Variants in SMIM14 observed in about 807,000 individuals in gnomAD.
The protein encoded by SMIM14 is chromosome 4 open reading frame 34.
In SMIM14, 5 loss-of-function variants were observed where a neutral mutation model predicts 12.6. The observed-to-expected ratio is 0.40, with a 90% CI of 0.21 to 0.83. The LOEUF (loss-of-function observed/expected upper bound fraction) is 0.83, where lower values mean the gene tolerates loss of function less well. Ranked by LOEUF, SMIM14 falls within the 40% of genes least tolerant of loss-of-function variation. The pLI, the probability that SMIM14 is intolerant of heterozygous loss-of-function variation, is 0.37. For synonymous variants in SMIM14, 30 were observed against 40.1 expected (o/e 0.75, Z 0.95); for missense variants, 86 against 119.1 (o/e 0.72, Z 1.29).
At chr4:39,605,243 T>A in intron 1 of SMIM14, 63 bp from the exon 2 acceptor site, 1 of 853,424 alleles carries the variant, frequency 1.2e-6, no homozygotes, top group Non-Finnish European at 1.8e-6. Flanking sequence ...TCTTGAGCTA[T>A]GAAAAATTCT....
intron 2 of SMIM14, among the ~76,000 whole-genome samples, chr4:39,583,572 T>C (rs989962361): frequency 6.6e-6 from 1 of 152,006 alleles, no homozygotes; most frequent in East Asian, 1.9e-4. Flanking sequence ...AACGCAAACA[T>C]GACCTTCTTT....
rs1357768703 is a variant in SMIM14 at position 39,548,945 on chromosome 4, A to G, written c.*3181T>C. On this transcript the variant is annotated 3_prime_UTR_variant, in exon 5 of 5. Coordinates refer to ENST00000295958, the MANE Select transcript of SMIM14 (RefSeq NM_174921.3). Reference sequence around the variant, plus strand: ...CACGGTGGCTCACATCTGTAATCCTAGCACTTTGGGAGGCCATAGTGGGTG... The same window carrying G: ...CACGGTGGCTCACATCTGTAATCCTGGCACTTTGGGAGGCCATAGTGGGTG... 6.6e-6 allele frequency: 1 copy of G among 152,214 alleles called. No individual in the cohort carries two copies. The highest frequency in any genetic ancestry group is 6.5e-5 in the Admixed American group (1 of 15,274). 9.4% of individuals were successfully genotyped at this position (152,214 alleles called of 1,614,324 possible).
chr4:39,584,793 C>CAAA lies in SMIM14; in HGVS notation c.76-12333_76-12331dup, dbSNP rs34970724. Among the ~76,000 whole-genome samples the CAAA allele has an allele frequency of 4.0e-3, 304 of 76,024 alleles. 5 individuals carry two copies. Among genetic ancestry groups the CAAA allele is most frequent in the South Asian group, 6.8e-3 (12 of 1,764 alleles). 49.9% of individuals were successfully genotyped at this position (76,024 alleles called of 152,430 possible). ...CCTGGGTAATCAAGCAGGACCTTGT[C>CAAA]AAAAAAAAAAAAAAAAAAGAAAAAA... On this transcript the variant is annotated intron_variant, in intron 2 of 4. Transcript: ENST00000295958.
intron 1 of SMIM14, among the ~76,000 whole-genome samples, chr4:39,613,203 T>C (rs11096999): frequency 0.11 from 16,456 of 152,228 alleles, 1,421 homozygotes; most frequent in South Asian, 0.3. Context: ...ACAGCACTCA[T>C]AGAATAAATA....
chr4:39,610,396 G>T (rs1046568406), intron 1 of SMIM14, among the ~76,000 whole-genome samples: 4 of 152,042 alleles, frequency 2.6e-5, no homozygotes, highest in Non-Finnish European at 5.9e-5. Flanking sequence ...TTGAAAATAT[G>T]CAAAAGGTGC....
At chr4:39,568,972 G>T (rs1231605748) in intron 3 of SMIM14, among the ~76,000 whole-genome samples, 1 of 152,162 alleles carries the variant, frequency 6.6e-6, no homozygotes, top group Non-Finnish European at 1.5e-5. Flanking sequence ...CCACAGGAAT[G>T]ACTATATTTG....
rs181541776 is a variant in SMIM14 at position 39,594,329 on chromosome 4, C to T, written c.75+10742G>A. On this transcript the variant is annotated intron_variant, in intron 2 of 4. Transcript: ENST00000295958. Reference sequence around the variant, plus strand: ...AGGATTCCCTATTTAATAAATGGTGCTGGGAAAACTGGCTAGCCATATGTA... The same window carrying T: ...AGGATTCCCTATTTAATAAATGGTGTTGGGAAAACTGGCTAGCCATATGTA... The T allele has an allele frequency of 2.9e-3, 447 of 152,240 alleles. 3 individuals carry two copies. Among genetic ancestry groups the T allele is most frequent in the African/African-American group, 0.01 (431 of 41,526 alleles). 9.4% of individuals were successfully genotyped at this position (152,240 alleles called of 1,614,324 possible).
At position 39,547,521 on chromosome 4, in the gene SMIM14, T is replaced by C. The variant is rs573690632; in HGVS notation, c.*4605A>G. The C allele has an allele frequency of 2.6e-5, 4 of 152,370 alleles. No individual in the cohort carries two copies. Among genetic ancestry groups the C allele is most frequent in the Admixed American group, 6.5e-5 (1 of 15,308 alleles). 9.4% of individuals were successfully genotyped at this position (152,370 alleles called of 1,614,324 possible). On this transcript the variant is annotated 3_prime_UTR_variant, in exon 5 of 5. Coordinates refer to ENST00000295958, the MANE Select transcript of SMIM14 (RefSeq NM_174921.3). ...CTTCACACATGGTAACAAATACCTA[T>C]GATTTTTCATTTAGAAATATTATAA...
chr4:39,556,704 T>C (rs376353078), intron 3 of SMIM14, 134 bp from the exon 4 acceptor site: 1 of 818,634 alleles, frequency 1.2e-6, no homozygotes, highest in African/African-American at 1.7e-5. Flanking sequence ...GTACATATTA[T>C]ATCTTCAATT....
chr4:39,616,895 A>C (rs1184858909), intron 1 of SMIM14, among the ~76,000 whole-genome samples: 2 of 152,130 alleles, frequency 1.3e-5, no homozygotes, highest in Non-Finnish European at 1.5e-5. Flanking sequence ...TCAGAATTCC[A>C]GTATGCTCAG....
chr4:39,605,885 C>A (rs529524461), intron 1 of SMIM14, among the ~76,000 whole-genome samples: 1 of 152,086 alleles, frequency 6.6e-6, no homozygotes, highest in Non-Finnish European at 1.5e-5. Flanking sequence ...GGATTACAGG[C>A]ATGCACCACG....
At chr4:39,613,540 A>C (rs533684528) in intron 1 of SMIM14, among the ~76,000 whole-genome samples, 1 of 152,316 alleles carries the variant, frequency 6.6e-6, no homozygotes, top group South Asian at 2.1e-4. Context: ...GCAGCTAGGC[A>C]CTAGAAGAAA....
chr4:39,620,259 C>T (rs969297238), intron 1 of SMIM14, among the ~76,000 whole-genome samples: 1 of 151,726 alleles, frequency 6.6e-6, no homozygotes, highest in Admixed American at 6.6e-5. Context: ...GCGGGCGGAT[C>T]ACGAGGTCAG....
chr4:39,572,495 T>A (rs1560287866), intron 2 of SMIM14, 32 bp from the exon 3 acceptor site: 1 of 1,572,618 alleles, frequency 6.4e-7, no homozygotes, highest in African/African-American at 1.4e-5. Flanking sequence ...AGTTAGTGAT[T>A]AGACTTAAAC....
At chr4:39,572,487 T>G in intron 2 of SMIM14, 24 bp from the exon 3 acceptor site, 1 of 1,592,708 alleles carries the variant, frequency 6.3e-7, no homozygotes, top group South Asian at 1.1e-5. Flanking sequence ...GAAAGGGAAG[T>G]TAGTGATTAG....
chr4:39,557,353 G>A (rs999628184), intron 3 of SMIM14, among the ~76,000 whole-genome samples: 1 of 152,030 alleles, frequency 6.6e-6, no homozygotes, highest in African/African-American at 2.4e-5. Context: ...TAGTGACGAC[G>A]TCTCACTATG....
Position 39,603,062 on chromosome 4 carries a change from T to C in SMIM14, c.75+2009A>G, listed in dbSNP as rs370069479. ...CCAACATGATGATCAAAGGAAATGC[T>C]CTTTGGAGCATTTTGTATTTTCAGA... On this transcript the variant is annotated intron_variant, in intron 2 of 4. Coordinates refer to ENST00000295958, the MANE Select transcript of SMIM14 (RefSeq NM_174921.3). Among the ~76,000 whole-genome samples the C allele has an allele frequency of 2.1e-4, 32 of 152,284 alleles. No homozygotes were observed. In the South Asian group the frequency reaches 6.6e-3, roughly 32 times the overall value.
chr4:39,581,127 A>T (rs2110021977), intron 2 of SMIM14, among the ~76,000 whole-genome samples: 1 of 152,288 alleles, frequency 6.6e-6, no homozygotes, highest in East Asian at 1.9e-4. Flanking sequence ...CTTTCTGCTT[A>T]AGAAGGAAAA....
rs369860985 is a variant in SMIM14, at chr4:39,621,571, A to G, written c.-35-16391T>C. Among the ~76,000 whole-genome samples, 85 of 152,336 alleles carry G rather than the reference A, an allele frequency of 5.6e-4. 1 individual carries two copies. The South Asian group carries it at 0.017, about 30-fold the overall frequency. On this transcript the variant is annotated intron_variant, in intron 1 of 4. Transcript: ENST00000295958. The stretch of plus-strand genomic sequence containing the variant: ...TCTGAAATACAAAGGTTTATATACA[A>G]AGATGGTTATCATGGCTTTAAAGTA...
Sources: gnomAD v4.1 joint callset for allele counts (sites outside exome capture counted in the v4.1 genomes callset) on GRCh38, gnomAD v4.1.1 for gene constraint, MANE v1.5 for transcripts, NCBI Gene and HGNC (gene_info 2026-07-23, HGNC 2026-07-21) for gene names.